The following SBF2 variants were observed in gnomAD, a reference collection of about 807,000 sequenced individuals.
SBF2 encodes SET binding factor 2, also known as myotubularin-related protein 13.
In SBF2, 112 loss-of-function variants were observed where a neutral mutation model predicts 225.2. The observed-to-expected ratio is 0.50, with a 90% CI of 0.43 to 0.58. The LOEUF (loss-of-function observed/expected upper bound fraction) is 0.58, where lower values mean the gene tolerates loss of function less well. Among genes scored for constraint, SBF2 ranks in the 20% least tolerant of loss-of-function variants. SBF2 has a pLI of 0.00. For missense variants in SBF2, 1,996 were observed against 2,206.2 expected (o/e 0.90, Z 1.91); for synonymous variants, 763 against 773.3 (o/e 0.99, Z 0.22).
intron 16 of SBF2, among the ~76,000 whole-genome samples, chr11:9,936,139 G>A (rs1444571610): frequency 2.0e-5 from 3 of 152,166 alleles, no homozygotes; most frequent in Non-Finnish European, 2.9e-5. Context: ...AAAAGTGGGT[G>A]AAGTATATCA....
At chr11:10,168,596 T>G (rs1251394253) in intron 2 of SBF2, among the ~76,000 whole-genome samples, 2 of 152,236 alleles carry the variant, frequency 1.3e-5, no homozygotes, top group African/African-American at 4.8e-5. Flanking sequence ...AATATTTATA[T>G]GAATTTGAAA....
chr11:9,879,449 A>G (rs1859553599), intron 17 of SBF2, among the ~76,000 whole-genome samples: 1 of 152,144 alleles, frequency 6.6e-6, no homozygotes, highest in Non-Finnish European at 1.5e-5. Context: ...CTAAAAACCA[A>G]CATAATCAAG....
chr11:9,851,079 T>G (rs1317586521), intron 21 of SBF2, among the ~76,000 whole-genome samples: 2 of 141,550 alleles, frequency 1.4e-5, no homozygotes, highest in Non-Finnish European at 3.0e-5. Flanking sequence ...GAGGTTGCAG[T>G]GAGCCGAGAT....
intron 16 of SBF2, among the ~76,000 whole-genome samples, chr11:9,917,331 T>C (rs1445180867): frequency 6.6e-6 from 1 of 151,554 alleles, no homozygotes; most frequent in African/African-American, 2.4e-5. Context: ...ACAAGTTTTT[T>C]TGTTTTTGTT....
Position 10,193,917 on chromosome 11 carries a change from T to C in SBF2, c.126A>G (p.Pro42=). The change falls in exon 2 of 40, where the codon CCA becomes CCG. Residue 42 remains proline, a synonymous_variant. Transcript: ENST00000256190. The part of the protein sequence containing the change: ...PQKDWDDTPF[P]QGIELFCQPG... ...AACCACTTACCAACTCAATTCCCTG[T>C]GGAAAAGGTGTATCATCCCAGTCCT... The C allele has an allele frequency of 1.9e-6, 3 of 1,611,224 alleles. No homozygotes were observed. Among genetic ancestry groups the C allele is most frequent in the Non-Finnish European group, 2.5e-6 (3 of 1,177,454 alleles).
intron 22 of SBF2, 58 bp downstream of exon 22, chr11:9,849,965 G>A: frequency 6.8e-7 from 1 of 1,471,006 alleles, no homozygotes; most frequent in Non-Finnish European, 9.5e-7. Context: ...GCACAGATGG[G>A]ATCGAGACCT....
At chr11:9,939,542 T>C (rs560605249) in intron 16 of SBF2, among the ~76,000 whole-genome samples, 2 of 152,334 alleles carry the variant, frequency 1.3e-5, no homozygotes, top group South Asian at 2.1e-4. Flanking sequence ...TGAGGCCCTA[T>C]TTCAGGTGCT....
chr11:9,896,473 T>G (rs1861265313), intron 16 of SBF2, among the ~76,000 whole-genome samples: 1 of 152,156 alleles, frequency 6.6e-6, no homozygotes, highest in Non-Finnish European at 1.5e-5. Context: ...AGATATTTTT[T>G]TCTTTCTTAT....
chr11:10,278,788 T>TAAA (rs11370521), intron 1 of SBF2, among the ~76,000 whole-genome samples: 17 of 125,008 alleles, frequency 1.4e-4, no homozygotes, highest in East Asian at 7.4e-4. Context: ...TCCATCTCAA[T>TAAA]AAAAAAAAAA....
At position 9,780,326 on chromosome 11, in the gene SBF2, T is replaced by C. The variant is rs1851925454; in HGVS notation, c.*92A>G. 1.8e-6 allele frequency: 2 copies of C among 1,121,048 alleles called. No homozygotes were observed. The highest frequency in any genetic ancestry group is 3.8e-5 in the Admixed American group (2 of 52,422). 69.4% of individuals were successfully genotyped at this position (1,121,048 alleles called of 1,614,324 possible). The stretch of plus-strand genomic sequence containing the variant: ...GAGAACCTCAGGCCCTGGGATAACT[T>C]GTTGTCAGCTCCTCAAGGATCCATG... On this transcript the variant is annotated 3_prime_UTR_variant, in exon 40 of 40. Coordinates refer to ENST00000256190, the MANE Select transcript of SBF2 (RefSeq NM_030962.4).
intron 32 of SBF2, 123 bp from the exon 33 acceptor site, chr11:9,796,080 G>T: frequency 1.1e-6 from 1 of 951,070 alleles, no homozygotes; most frequent in Non-Finnish European, 1.6e-6. Context: ...ACAAATACCT[G>T]AATCCCTACC....
At chr11:10,236,019 C>A (rs901718436) in intron 1 of SBF2, among the ~76,000 whole-genome samples, 1 of 152,050 alleles carries the variant, frequency 6.6e-6, no homozygotes, top group African/African-American at 2.4e-5. Context: ...TGCAGTGAGC[C>A]GCAATTCTAC....
chr11:10,198,428 C>G (rs1485020914), intron 1 of SBF2, among the ~76,000 whole-genome samples: 1 of 152,200 alleles, frequency 6.6e-6, no homozygotes, highest in East Asian at 1.9e-4. Flanking sequence ...GTAAACCATG[C>G]TATAAATAGA....
At chr11:9,983,053 T>C (rs948876137) in intron 13 of SBF2, among the ~76,000 whole-genome samples, 1 of 152,080 alleles carries the variant, frequency 6.6e-6, no homozygotes, top group African/African-American at 2.4e-5. Context: ...TTTTAACTAT[T>C]TGAATGGGGT....
At chr11:10,231,902 A>G (rs952141634) in intron 1 of SBF2, among the ~76,000 whole-genome samples, 1 of 152,212 alleles carries the variant, frequency 6.6e-6, no homozygotes, top group Non-Finnish European at 1.5e-5. Context: ...CCTTGCCCCC[A>G]GAGGTGGAGC....
chr11:10,255,800 C>T (rs993205208), intron 1 of SBF2, among the ~76,000 whole-genome samples: 1 of 152,110 alleles, frequency 6.6e-6, no homozygotes, highest in African/African-American at 2.4e-5. Context: ...TTAAGAGTTA[C>T]CTAAGATCAT....
chr11:10,061,132 G>A (rs1212714132), intron 2 of SBF2, among the ~76,000 whole-genome samples: 1 of 151,960 alleles, frequency 6.6e-6, no homozygotes, highest in Non-Finnish European at 1.5e-5. Flanking sequence ...TGCAGAAAGG[G>A]CCTTTGATAA....
rs1181203638 is a variant in SBF2, at chr11:10,187,309, T to G, written c.141+6593A>C. Among the ~76,000 whole-genome samples, 3 of 123,584 alleles carry G rather than the reference T, an allele frequency of 2.4e-5. 1 individual carries two copies. The highest frequency in any genetic ancestry group is 9.9e-5 in the African/African-American group (3 of 30,418). 81.1% of individuals were successfully genotyped at this position (123,584 alleles called of 152,430 possible). ...CTCTCTCTCTCTCCTTTTTCTCTCCTCTCTCTCTCTCTCTCCCTGCGTCCC... is the reference window on the plus strand; with the variant it reads ...CTCTCTCTCTCTCCTTTTTCTCTCCGCTCTCTCTCTCTCTCCCTGCGTCCC... On this transcript the variant is annotated intron_variant, in intron 2 of 39. Coordinates refer to ENST00000256190, the MANE Select transcript of SBF2 (RefSeq NM_030962.4).
rs148717661 is a variant in SBF2 at position 9,788,761 on chromosome 11, AT to A, written c.4932+347del. The stretch of plus-strand genomic sequence containing the variant: ...AGGCGCCCGCCACCACGCCCGGCTA[AT>A]TTTTTTTTTTTTTTTGTATTTCTTA... On this transcript the variant is annotated intron_variant, in intron 35 of 39. Transcript: ENST00000256190. 4.2e-3 allele frequency among the ~76,000 whole-genome samples: 562 copies of A among 134,738 alleles called. 1 individual carries two copies. The highest frequency in any genetic ancestry group is 0.016 in the South Asian group (67 of 4,120). The allele number at this position is 134,738 out of a possible 152,430, so 88.4% of individuals were successfully genotyped here.
Sources: gnomAD v4.1 joint callset for allele counts (sites outside exome capture counted in the v4.1 genomes callset) on GRCh38, gnomAD v4.1.1 for gene constraint, MANE v1.5 for transcripts, NCBI Gene and HGNC (gene_info 2026-07-23, HGNC 2026-07-21) for gene names.